IQCH: variants seen among roughly 807,000 people sequenced by gnomAD.
IQCH encodes the protein IQ motif containing H.
A neutral mutation model predicts 117.0 loss-of-function variants in IQCH; 98 were observed. The observed-to-expected ratio is 0.84, with a 90% CI of 0.71 to 0.99. The LOEUF is 0.99. IQCH is among the 50% of genes least tolerant of loss of function. The pLI is 0.00. For missense variants in IQCH, 1,102 were observed against 1,243.8 expected (o/e 0.89, Z 1.72); for synonymous variants, 412 against 448.2 (o/e 0.92, Z 1.02).
chr15:67,422,098 C>CAA lies in IQCH; in HGVS notation c.2505+535_2505+536dup, dbSNP rs112928088. ...TGGGTGACAGAGTGAAACTCCATCT[C>CAA]AAAAAAAAAAAAAAATAGTGACTGA... On this transcript the variant is annotated intron_variant, in intron 16 of 20. Coordinates refer to ENST00000335894, the MANE Select transcript of IQCH (RefSeq NM_001031715.3). The surrounding 1 kb of genome is among the most constrained non-coding windows in gnomAD (Gnocchi z 4.7). 1.9e-4 allele frequency among the ~76,000 whole-genome samples: 24 copies of CAA among 124,456 alleles called. No individual in the cohort carries two copies. Among genetic ancestry groups the CAA allele is most frequent in the Non-Finnish European group, 2.9e-4 (17 of 58,156 alleles). 81.6% of individuals were successfully genotyped at this position (124,456 alleles called of 152,430 possible).
intron 4 of IQCH, chr15:67,281,835 G>A (rs1966371675): frequency 4.5e-6 from 2 of 448,518 alleles, no homozygotes; most frequent in Non-Finnish European, 8.9e-6. Context: ...TTGTTGAATG[G>A]ATAAACAAAA....
At chr15:67,323,532 G>A (rs1021497765) in intron 4 of IQCH, among the ~76,000 whole-genome samples, 8 of 151,944 alleles carry the variant, frequency 5.3e-5, no homozygotes, top group East Asian at 1.9e-4. Context: ...GTGAGCCACC[G>A]TGCCCAGCCA....
chr15:67,255,006 T>A, intron 1 of IQCH, 59 bp downstream of exon 1: 5 of 1,537,718 alleles, frequency 3.3e-6, no homozygotes, highest in Non-Finnish European at 4.5e-6. Flanking sequence ...CCGAGCGAGG[T>A]CCCGCGCGCC....
intron 4 of IQCH, among the ~76,000 whole-genome samples, chr15:67,335,786 A>G (rs759733245): frequency 2.0e-5 from 3 of 151,990 alleles, no homozygotes; most frequent in African/African-American, 7.2e-5. Flanking sequence ...CTAACAGTCT[A>G]CTCTTTCCTA....
At chr15:67,332,928 G>A (rs1276238424) in intron 4 of IQCH, among the ~76,000 whole-genome samples, 1 of 152,118 alleles carries the variant, frequency 6.6e-6, no homozygotes, top group East Asian at 1.9e-4. Context: ...AAACTGGGTG[G>A]TTTATAAATA....
At chr15:67,343,926 C>T in intron 5 of IQCH, 137 bp from the exon 6 acceptor site, 2 of 617,664 alleles carry the variant, frequency 3.2e-6, no homozygotes, top group Non-Finnish European at 2.7e-6. Context: ...TTTTTTTATG[C>T]AAAGGATTAA....
In IQCH at chr15:67,416,536, C is replaced by G. The variant is rs113992990; in HGVS notation, c.2098-395C>G. ...GCGTCTCAAAAAAAAAAAGAAAAAA[C>G]AAAAAACAAAAACAAAAAAAACAGT... On this transcript the variant is annotated intron_variant, in intron 14 of 20. Coordinates refer to ENST00000335894, the MANE Select transcript of IQCH (RefSeq NM_001031715.3). The surrounding 1 kb of genome is among the most constrained non-coding windows in gnomAD (Gnocchi z 5.1). 6.2e-3 allele frequency among the ~76,000 whole-genome samples: 926 copies of G among 150,560 alleles called. 7 individuals are homozygous for G. The highest frequency in any genetic ancestry group is 0.019 in the African/African-American group (795 of 41,080).
chr15:67,323,185 A>G (rs1448012247), intron 4 of IQCH, among the ~76,000 whole-genome samples: 3 of 146,176 alleles, frequency 2.1e-5, no homozygotes, highest in Non-Finnish European at 4.5e-5. Flanking sequence ...TTTGTTTTCT[A>G]TTTATCCCAT....
intron 4 of IQCH, among the ~76,000 whole-genome samples, chr15:67,325,122 C>T (rs757206901): frequency 1.3e-5 from 2 of 152,034 alleles, no homozygotes; most frequent in African/African-American, 2.4e-5. Flanking sequence ...TCTTGTTATT[C>T]GGATTAGGTA....
At chr15:67,306,214 G>A (rs1445744200) in intron 4 of IQCH, among the ~76,000 whole-genome samples, 2 of 152,062 alleles carry the variant, frequency 1.3e-5, no homozygotes, top group Admixed American at 1.3e-4. Flanking sequence ...AAAGTACTGT[G>A]AGAGAAGTGT....
At chr15:67,307,680 AT>A (rs1456773744) in intron 4 of IQCH, among the ~76,000 whole-genome samples, 1 of 152,176 alleles carries the variant, frequency 6.6e-6, no homozygotes, top group Non-Finnish European at 1.5e-5. Flanking sequence ...AGCTTGTTGC[AT>A]TTATAAACCA....
At chr15:67,362,581 C>T (rs12442323) in intron 8 of IQCH, among the ~76,000 whole-genome samples, 31,931 of 152,152 alleles carry the variant, frequency 0.21, 4,071 homozygotes, top group East Asian at 0.47. Context: ...TTAAACATAT[C>T]ACTGCCCCTA....
intron 4 of IQCH, among the ~76,000 whole-genome samples, chr15:67,308,878 T>C (rs1370863528): frequency 6.6e-6 from 1 of 152,098 alleles, no homozygotes; most frequent in Non-Finnish European, 1.5e-5. Context: ...CCTTGTCAGA[T>C]AACATTCATA....
rs1173314392 is a variant in IQCH, at chr15:67,321,458, TTTCC to T, written c.388-15502_388-15499del. Among the ~76,000 whole-genome samples the T allele has an allele frequency of 3.3e-4, 47 of 144,538 alleles. No individual in the cohort carries two copies. The South Asian group carries it at 4.2e-3, about 13-fold the overall frequency. 94.8% of individuals were successfully genotyped at this position (144,538 alleles called of 152,430 possible). The stretch of plus-strand genomic sequence containing the variant: ...TCTTTTCTTTTCTTTCTTTCCTTCC[TTTCC>T]TTCCTTCCTTCCTTTCTTTCTTTCT... On this transcript the variant is annotated intron_variant, in intron 4 of 20. Coordinates refer to ENST00000335894, the MANE Select transcript of IQCH (RefSeq NM_001031715.3).
chr15:67,266,178 A>T (rs1965661018), intron 3 of IQCH, among the ~76,000 whole-genome samples: 1 of 150,696 alleles, frequency 6.6e-6, no homozygotes, highest in African/African-American at 2.4e-5. Context: ...ATACATTATA[A>T]AATGTACCAA....
At chr15:67,343,444 C>A (rs571731482) in intron 5 of IQCH, among the ~76,000 whole-genome samples, 4 of 152,180 alleles carry the variant, frequency 2.6e-5, no homozygotes, top group Non-Finnish European at 5.9e-5. Context: ...TGTCTCTTAT[C>A]CTTCAAAAGA....
At chr15:67,318,891 C>G (rs12440986) in intron 4 of IQCH, among the ~76,000 whole-genome samples, 28,012 of 152,026 alleles carry the variant, frequency 0.18, 2,712 homozygotes, top group Admixed American at 0.27. Context: ...AAGAAAACTC[C>G]GGATGGGTTA....
In IQCH at chr15:67,490,850, T is replaced by C. The variant is rs897979703; in HGVS notation, c.2861+786T>C. Among the ~76,000 whole-genome samples, 1 of 152,246 alleles carries C rather than the reference T, an allele frequency of 6.6e-6. No individual in the cohort carries two copies. The highest frequency in any genetic ancestry group is 1.5e-5 in the Non-Finnish European group (1 of 68,044). The stretch of plus-strand genomic sequence containing the variant: ...ACTGAGCACAGGCTGCTGGCAACAC[T>C]CGGAGGCTTCCGCACTTCTCCCAGA... On this transcript the variant is annotated intron_variant, in intron 19 of 20. Coordinates refer to ENST00000335894, the MANE Select transcript of IQCH (RefSeq NM_001031715.3). The surrounding 1 kb of genome is among the most constrained non-coding windows in gnomAD (Gnocchi z 4.9).
At chr15:67,438,753 A>G (rs1222371021) in intron 16 of IQCH, among the ~76,000 whole-genome samples, 1 of 152,252 alleles carries the variant, frequency 6.6e-6, no homozygotes, top group African/African-American at 2.4e-5. Context: ...GAGCAGGGGT[A>G]GCTATTCTTA....
Sources: gnomAD v4.1 joint callset for allele counts (sites outside exome capture counted in the v4.1 genomes callset) on GRCh38, gnomAD v4.1.1 for gene constraint, Gnocchi (gnomAD v3.1) non-coding constraint, MANE v1.5 for transcripts, NCBI Gene and HGNC (gene_info 2026-07-23, HGNC 2026-07-21) for gene names.